Variants in NRXN3 observed in about 807,000 individuals in gnomAD.
NRXN3 encodes neurexin III.
A neutral mutation model predicts 137.6 loss-of-function variants in NRXN3; 32 were observed. That is an observed-to-expected ratio of 0.23 (90% CI 0.18 to 0.31). The LOEUF (loss-of-function observed/expected upper bound fraction) is 0.31. Among genes scored for constraint, NRXN3 ranks in the 10% least tolerant of loss-of-function variants. NRXN3 has a pLI of 1.00. For synonymous variants in NRXN3, 798 were observed against 784.5 expected (o/e 1.02, Z -0.29); for missense variants, 1,574 against 2,062.5 (o/e 0.76, Z 4.59).
intron 10 of NRXN3, among the ~76,000 whole-genome samples, chr14:78,928,657 T>G (rs1258518231): frequency 6.6e-6 from 1 of 152,164 alleles, no homozygotes; most frequent in Non-Finnish European, 1.5e-5. Flanking sequence ...TGCATAGTAT[T>G]CCATGGTGTT....
chr14:79,834,705 G>A (rs780406396), intron 20 of NRXN3, among the ~76,000 whole-genome samples: 4 of 152,084 alleles, frequency 2.6e-5, no homozygotes, highest in Non-Finnish European at 5.9e-5. Context: ...AACCAGGAAA[G>A]TTTGCATTCA....
At chr14:78,868,245 T>C (rs2099092401) in intron 10 of NRXN3, among the ~76,000 whole-genome samples, 1 of 152,078 alleles carries the variant, frequency 6.6e-6, no homozygotes, top group African/African-American at 2.4e-5. Context: ...CCTTGCATAG[T>C]AGCATCTGAC....
intron 20 of NRXN3, among the ~76,000 whole-genome samples, chr14:79,859,138 A>G (rs1454932612): frequency 6.6e-6 from 1 of 152,166 alleles, no homozygotes; most frequent in Non-Finnish European, 1.5e-5. Context: ...CATCTTGAGA[A>G]TCTCAAAAAG....
chr14:79,578,311 C>A (rs2097683898), intron 16 of NRXN3, among the ~76,000 whole-genome samples: 2 of 152,178 alleles, frequency 1.3e-5, no homozygotes, highest in Non-Finnish European at 2.9e-5. Context: ...CAGTGTGCGA[C>A]AATAGGCACG....
intron 20 of NRXN3, among the ~76,000 whole-genome samples, chr14:79,858,160 T>TA (rs56128315): frequency 4.0e-5 from 6 of 150,856 alleles, no homozygotes; most frequent in Non-Finnish European, 7.4e-5. Flanking sequence ...TTTTTTTTTT[T>TA]AAATCTAAGA....
intron 4 of NRXN3, among the ~76,000 whole-genome samples, chr14:78,433,553 A>G (rs1359218813): frequency 6.6e-6 from 1 of 152,146 alleles, no homozygotes; most frequent in Non-Finnish European, 1.5e-5. Flanking sequence ...CGTGGGCTGT[A>G]CCCTATGAAT....
chr14:79,040,232 C>A (rs1319707674), intron 15 of NRXN3, among the ~76,000 whole-genome samples: 1 of 152,162 alleles, frequency 6.6e-6, no homozygotes, highest in East Asian at 1.9e-4. Flanking sequence ...AAGTTTTTGG[C>A]CTGCATATCA....
chr14:79,701,316 A>G (rs891517444), intron 19 of NRXN3, among the ~76,000 whole-genome samples: 1 of 152,104 alleles, frequency 6.6e-6, no homozygotes, highest in Non-Finnish European at 1.5e-5. Context: ...TAAAACAATT[A>G]TGTCATTAGA....
chr14:78,400,687 T>A (rs543983281), intron 4 of NRXN3, among the ~76,000 whole-genome samples: 1 of 152,202 alleles, frequency 6.6e-6, no homozygotes. Context: ...GGACTTAGTA[T>A]GTAATTGATG....
intron 19 of NRXN3, among the ~76,000 whole-genome samples, chr14:79,771,202 A>T (rs1186343839): frequency 6.6e-6 from 1 of 152,178 alleles, no homozygotes; most frequent in Non-Finnish European, 1.5e-5. Flanking sequence ...AGGTACAAGG[A>T]GGAACTGGTA....
intron 8 of NRXN3, among the ~76,000 whole-genome samples, chr14:78,733,065 G>T (rs1455921739): frequency 2.6e-5 from 4 of 152,070 alleles, no homozygotes; most frequent in African/African-American, 4.8e-5. Flanking sequence ...AACACCTGGG[G>T]TCCTGGTTCT....
intron 16 of NRXN3, among the ~76,000 whole-genome samples, chr14:79,548,967 C>T: frequency 6.6e-6 from 1 of 151,954 alleles, no homozygotes; most frequent in Admixed American, 6.6e-5. Context: ...CTAACTGTGT[C>T]CTGTGGAGGA....
intron 15 of NRXN3, among the ~76,000 whole-genome samples, chr14:79,105,913 G>T (rs894638348): frequency 6.6e-6 from 1 of 151,982 alleles, no homozygotes; most frequent in Non-Finnish European, 1.5e-5. Context: ...TTATCGTTAT[G>T]ATTATTATTA....
chr14:78,187,902 G>A (rs891089130), intron 1 of NRXN3, among the ~76,000 whole-genome samples: 5 of 151,912 alleles, frequency 3.3e-5, no homozygotes, highest in South Asian at 2.1e-4. Flanking sequence ...TGTGGAGGAA[G>A]GGGAGTCCCT....
At chr14:78,889,166 C>CA (rs1159717853) in intron 10 of NRXN3, among the ~76,000 whole-genome samples, 1 of 151,958 alleles carries the variant, frequency 6.6e-6, no homozygotes, top group Non-Finnish European at 1.5e-5. Flanking sequence ...TTCACATCAT[C>CA]ATTCCATTTC....
intron 16 of NRXN3, among the ~76,000 whole-genome samples, chr14:79,607,758 C>T (rs945917588): frequency 1.3e-4 from 20 of 151,088 alleles, no homozygotes; most frequent in African/African-American, 4.7e-4. Flanking sequence ...CTGTAACCTC[C>T]CTTCTCCCCT....
At chr14:79,755,730 G>A (rs1813502685) in intron 19 of NRXN3, among the ~76,000 whole-genome samples, 1 of 152,008 alleles carries the variant, frequency 6.6e-6, no homozygotes, top group African/African-American at 2.4e-5. Context: ...TTTTATGCTA[G>A]GCAGGTTCCT....
chr14:79,372,947 TTAAGA>T (rs2094154602), intron 15 of NRXN3, among the ~76,000 whole-genome samples: 2 of 152,102 alleles, frequency 1.3e-5, no homozygotes, highest in South Asian at 4.1e-4. Context: ...GAGATACCCA[TTAAGA>T]TATCACCCCT....
At chr14:79,067,607 G>A (rs571279419) in intron 15 of NRXN3, among the ~76,000 whole-genome samples, 5 of 152,072 alleles carry the variant, frequency 3.3e-5, no homozygotes, top group African/African-American at 1.2e-4. Flanking sequence ...GGCTTTTTTA[G>A]TTGGTAGGCT....
Sources: gnomAD v4.1 joint callset for allele counts (sites outside exome capture counted in the v4.1 genomes callset) on GRCh38, gnomAD v4.1.1 for gene constraint, MANE v1.5 for transcripts, NCBI Gene and HGNC (gene_info 2026-07-23, HGNC 2026-07-21) for gene names.